TRPM2: variants seen among roughly 807,000 people sequenced by gnomAD.
TRPM2 encodes the protein transient receptor potential cation channel subfamily M member 2.
In TRPM2, 161 loss-of-function variants were observed where a neutral mutation model predicts 174.0. The observed-to-expected ratio is 0.93, with a 90% CI of 0.81 to 1.05. The LOEUF is 1.05. Among genes scored for constraint, TRPM2 ranks in the 50% least tolerant of loss-of-function variants. The pLI, the probability that TRPM2 is intolerant of heterozygous loss-of-function variation, is 0.00. For synonymous variants in TRPM2, 954 were observed against 861.3 expected, an observed-to-expected ratio of 1.11 and a Z score of -1.88; for missense variants, 2,057 against 2,038.0, an observed-to-expected ratio of 1.01 and a Z score of -0.18.
chr21:44,368,727 C>T (rs573489958), intron 4 of TRPM2, among the ~76,000 whole-genome samples: 2 of 152,112 alleles, frequency 1.3e-5, no homozygotes, highest in African/African-American at 2.4e-5. Context: ...CCACCGTGCC[C>T]GGCCGGAGGT....
rs150484698 is a variant in TRPM2 at position 44,395,542 on chromosome 21, C to T, written c.1923C>T (p.Ile641=). 2 of 1,612,838 alleles carry T rather than the reference C, an allele frequency of 1.2e-6. No homozygotes were observed. The highest frequency in any genetic ancestry group is 2.7e-5 in the African/African-American group (2 of 74,920). Residue 641 remains isoleucine (I), a synonymous_variant, in exon 12 of 32, where the codon ATC becomes ATT. Transcript: ENST00000397928. ...VQNRRELAGI[I]WAQSQDCIAA... ...ACCGTCGGGAGCTGGCAGGAATCAT[C>T]TGGGCTCAGGTAATAAGACTGGCTT... is the stretch of plus-strand genomic sequence containing the variant.
intron 19 of TRPM2, 42 bp from the exon 20 acceptor site, chr21:44,413,847 CTG>C: frequency 3.1e-6 from 5 of 1,587,372 alleles, no homozygotes; most frequent in Non-Finnish European, 4.3e-6. Flanking sequence ...CCTCTTGACT[CTG>C]TGTTGTTTTC....
At chr21:44,372,228 G>A (rs561207405) in intron 5 of TRPM2, among the ~76,000 whole-genome samples, 6 of 152,330 alleles carry the variant, frequency 3.9e-5, no homozygotes, top group African/African-American at 1.4e-4. Context: ...GCTTGGCCGA[G>A]TGCGGTGGCT....
At chr21:44,387,845 C>A (rs915945010) in intron 9 of TRPM2, among the ~76,000 whole-genome samples, 4 of 152,186 alleles carry the variant, frequency 2.6e-5, no homozygotes, top group Non-Finnish European at 5.9e-5. Flanking sequence ...TAAGAGATAT[C>A]ATTTCAAACA....
chr21:44,428,840 G>A (rs2050927002), intron 27 of TRPM2, among the ~76,000 whole-genome samples: 1 of 151,436 alleles, frequency 6.6e-6, no homozygotes. Context: ...CCTTACGTCT[G>A]GCTCCTCCCC....
intron 12 of TRPM2, among the ~76,000 whole-genome samples, chr21:44,397,294 T>C (rs2049458949): frequency 1.3e-5 from 2 of 152,042 alleles, no homozygotes; most frequent in South Asian, 2.1e-4. Flanking sequence ...GCCTCGGCCT[T>C]CCAAAGTGCT....
At chr21:44,427,270 C>T (rs759737201) in intron 27 of TRPM2, among the ~76,000 whole-genome samples, 159 bp downstream of exon 27, 21 of 152,254 alleles carry the variant, frequency 1.4e-4, no homozygotes, top group Non-Finnish European at 2.2e-4. Context: ...ACTGCATCTC[C>T]GTAGCCCCCA....
intron 2 of TRPM2, 141 bp from the exon 3 acceptor site, chr21:44,363,973 C>A: frequency 1.2e-6 from 1 of 839,502 alleles, no homozygotes; most frequent in Non-Finnish European, 1.8e-6. Context: ...TTTGCTGCCT[C>A]CCCCATGGCT....
chr21:44,419,712 GGTGGTGGTGATGGTA>G (rs1325934027), intron 22 of TRPM2, among the ~76,000 whole-genome samples: 329 of 149,908 alleles, frequency 2.2e-3, no homozygotes, highest in African/African-American at 7.1e-3. Flanking sequence ...TGGTGGTGAT[GGTGGTGGTGATGGTA>G]GTGGTGGTGA....
chr21:44,367,136 G>C lies in TRPM2; in HGVS notation c.604+202G>C, dbSNP rs1039894417. ...CGATGCTCCCACTGGCTTGCCTGTG[G>C]GCTGGAGATGGCTCAGTGCATGGCC... On this transcript the variant is annotated intron_variant, in intron 4 of 31. Transcript: ENST00000397928. The surrounding 1 kb of genome is among the most constrained non-coding windows in gnomAD (Gnocchi z 4.6). Among the ~76,000 whole-genome samples the C allele has an allele frequency of 1.3e-5, 2 of 152,180 alleles. No homozygotes were observed. The highest frequency in any genetic ancestry group is 2.9e-5 in the Non-Finnish European group (2 of 68,032).
chr21:44,358,258 T>C (rs1264618699), intron 2 of TRPM2, among the ~76,000 whole-genome samples: 1 of 152,166 alleles, frequency 6.6e-6, no homozygotes, highest in East Asian at 1.9e-4. Context: ...ACCATGGATC[T>C]CATGACCTTG....
intron 20 of TRPM2, among the ~76,000 whole-genome samples, chr21:44,417,574 G>T: frequency 9.6e-6 from 1 of 104,618 alleles, no homozygotes; most frequent in African/African-American, 4.1e-5. Flanking sequence ...ATCACAGTGG[G>T]CACGTGGGCG....
intron 27 of TRPM2, among the ~76,000 whole-genome samples, chr21:44,434,466 G>C (rs1054355156): frequency 6.6e-6 from 1 of 152,070 alleles, no homozygotes; most frequent in Non-Finnish European, 1.5e-5. Context: ...GGGACCTTCT[G>C]TAGACGTGGA....
chr21:44,376,103 C>A lies in TRPM2; in HGVS notation c.952+90C>A, dbSNP rs528734708. The A allele has an allele frequency of 1.6e-5, 23 of 1,471,216 alleles. No individual in the cohort carries two copies. In the South Asian group the frequency reaches 2.7e-4, roughly 17 times the overall value. 91.1% of individuals were successfully genotyped at this position (1,471,216 alleles called of 1,614,324 possible). On this transcript the variant is annotated intron_variant, in intron 6 of 31. Transcript: ENST00000397928. This position sits in a 1 kb window ranked among gnomAD's most constrained non-coding sequence, Gnocchi z 4.2. ...TACAGCTGGTCACGACCAGGACGTT[C>A]AACAGGCCTGGCGTTTGGCAGAGAG...
rs533149168 is a variant in TRPM2, at chr21:44,403,885, C to T, written c.2539-1257C>T. On this transcript the variant is annotated intron_variant, in intron 16 of 31. Coordinates refer to ENST00000397928, the MANE Select transcript of TRPM2 (RefSeq NM_003307.4). Reference sequence around the variant, plus strand: ...ACAAATATACACATACATACACATGCACATACATATACAGCACACACATGC... The same window carrying T: ...ACAAATATACACATACATACACATGTACATACATATACAGCACACACATGC... Among the ~76,000 whole-genome samples, 10 of 150,990 alleles carry T rather than the reference C, an allele frequency of 6.6e-5. No individual in the cohort carries two copies. The East Asian group carries it at 2.0e-3, about 30-fold the overall frequency.
At chr21:44,423,612 G>A in intron 22 of TRPM2, 33 bp from the exon 23 acceptor site, 2 of 1,586,008 alleles carry the variant, frequency 1.3e-6, no homozygotes, top group Non-Finnish European at 1.7e-6. Flanking sequence ...CCAAGGTGTG[G>A]TGTGCGTCCA....
At chr21:44,361,303 G>C (rs571302109) in intron 2 of TRPM2, among the ~76,000 whole-genome samples, 1 of 152,212 alleles carries the variant, frequency 6.6e-6, no homozygotes, top group South Asian at 2.1e-4. Flanking sequence ...AGTAGAGACA[G>C]GGCTTCACCA....
At chr21:44,428,643 T>C (rs2050908135) in intron 27 of TRPM2, among the ~76,000 whole-genome samples, 1 of 134,676 alleles carries the variant, frequency 7.4e-6, no homozygotes, top group African/African-American at 2.9e-5. Context: ...GTGTGGCTCC[T>C]CCCTGAGGTG....
In TRPM2 at chr21:44,366,685, C is replaced by G; in HGVS notation, c.424-69C>G. On this transcript the variant is annotated intron_variant, in intron 3 of 31. Coordinates refer to ENST00000397928, the MANE Select transcript of TRPM2 (RefSeq NM_003307.4). The surrounding 1 kb of genome is among the most constrained non-coding windows in gnomAD (Gnocchi z 6.0). ...GCCCGCTGGGGCCTCTCTGCATGGCCTGTGTGGGTCGGTGCTGTCCCTGAC... is the reference window on the plus strand; with the variant it reads ...GCCCGCTGGGGCCTCTCTGCATGGCGTGTGTGGGTCGGTGCTGTCCCTGAC... The G allele has an allele frequency of 1.9e-6, 3 of 1,606,742 alleles. No individual in the cohort carries two copies. Among genetic ancestry groups the G allele is most frequent in the Non-Finnish European group, 2.5e-6 (3 of 1,176,876 alleles).
Sources: gnomAD v4.1 joint callset for allele counts (sites outside exome capture counted in the v4.1 genomes callset) on GRCh38, gnomAD v4.1.1 for gene constraint, Gnocchi (gnomAD v3.1) non-coding constraint, MANE v1.5 for transcripts, NCBI Gene and HGNC (gene_info 2026-07-23, HGNC 2026-07-21) for gene names.